SERINC1: variants seen among roughly 807,000 people sequenced by gnomAD.
SERINC1 encodes the protein serine incorporator 1.
Under a neutral mutation model 52.9 loss-of-function variants are expected in SERINC1, and 38 were observed. That is an observed-to-expected ratio of 0.72 (90% confidence interval 0.55 to 0.94). SERINC1 has a LOEUF of 0.94. Among genes scored for constraint, SERINC1 ranks in the 40% least tolerant of loss-of-function variants. The pLI is 0.00. For synonymous variants in SERINC1, 198 were observed against 183.1 expected, an observed-to-expected ratio of 1.08 and a Z score of -0.66; for missense variants, 471 against 533.9, an observed-to-expected ratio of 0.88 and a Z score of 1.16.
At chr6:122,456,787 A>G in intron 2 of SERINC1, 137 bp from the exon 3 acceptor site, 2 of 606,098 alleles carry the variant, frequency 3.3e-6, no homozygotes, top group Non-Finnish European at 5.5e-6. Flanking sequence ...TATGTACTCA[A>G]GATGAGTCTG....
chr6:122,464,173 G>A (rs886140367), intron 1 of SERINC1, among the ~76,000 whole-genome samples: 1 of 152,086 alleles, frequency 6.6e-6, no homozygotes, highest in African/African-American at 2.4e-5. Context: ...GATGATCGAT[G>A]TTCCAAAACG....
At chr6:122,467,777 A>G (rs1225492228) in intron 1 of SERINC1, among the ~76,000 whole-genome samples, 1 of 152,222 alleles carries the variant, frequency 6.6e-6, no homozygotes, top group Non-Finnish European at 1.5e-5. Flanking sequence ...AGTCACAATA[A>G]TGTTCATTTA....
At chr6:122,453,535 A>G (rs900613355) in intron 5 of SERINC1, among the ~76,000 whole-genome samples, 6 of 152,158 alleles carry the variant, frequency 3.9e-5, no homozygotes, top group Non-Finnish European at 8.8e-5. Flanking sequence ...TTAGCTATTC[A>G]GGTTCTTTTG....
chr6:122,457,804 C>CATATATATAT (rs60098882), intron 2 of SERINC1, among the ~76,000 whole-genome samples: 41 of 147,798 alleles, frequency 2.8e-4, no homozygotes, highest in Admixed American at 6.1e-4. Context: ...GTAAGACATA[C>CATATATATAT]ATATATATAT....
At chr6:122,458,804 T>A in intron 1 of SERINC1, 123 bp from the exon 2 acceptor site, 1 of 664,110 alleles carries the variant, frequency 1.5e-6, no homozygotes, top group Admixed American at 3.1e-5. Context: ...AGTAATTACA[T>A]CAAGGGACAT....
At chr6:122,465,046 A>C (rs1193018233) in intron 1 of SERINC1, among the ~76,000 whole-genome samples, 1 of 152,174 alleles carries the variant, frequency 6.6e-6, no homozygotes, top group Admixed American at 6.5e-5. Flanking sequence ...TCTTTAAAAA[A>C]GAAAGAATAA....
chr6:122,445,389 A>G (rs1774772437), intron 9 of SERINC1, among the ~76,000 whole-genome samples: 1 of 152,220 alleles, frequency 6.6e-6, no homozygotes, highest in Admixed American at 6.5e-5. Flanking sequence ...TAAAGTATAC[A>G]GGCCTCTGAA....
chr6:122,456,904 A>G (rs1379803807), intron 2 of SERINC1, among the ~76,000 whole-genome samples: 32 of 152,178 alleles, frequency 2.1e-4, no homozygotes, highest in Admixed American at 2.0e-3. Flanking sequence ...TGAGTTATAG[A>G]TTTATCCTAC....
intron 1 of SERINC1, among the ~76,000 whole-genome samples, chr6:122,470,556 C>T (rs1175958609): frequency 6.6e-6 from 1 of 152,148 alleles, no homozygotes; most frequent in Non-Finnish European, 1.5e-5. Context: ...AATAATTAAA[C>T]TCTCTAATAT....
chr6:122,451,776 A>ATATATATATAT (rs1554211250), intron 6 of SERINC1, 22 bp from the exon 7 acceptor site: 43 of 113,024 alleles, frequency 3.8e-4, no homozygotes, highest in South Asian at 1.9e-3. Context: ...AAAAAAAAAA[A>ATATATATATAT]ATATATATAT....
chr6:122,463,614 A>G (rs893331471), intron 1 of SERINC1, among the ~76,000 whole-genome samples: 1 of 152,184 alleles, frequency 6.6e-6, no homozygotes, highest in Non-Finnish European at 1.5e-5. Flanking sequence ...CAATATCATT[A>G]TTAGGGAAAT....
At chr6:122,466,809 A>G (rs2114491403) in intron 1 of SERINC1, among the ~76,000 whole-genome samples, 1 of 152,352 alleles carries the variant, frequency 6.6e-6, no homozygotes, top group East Asian at 1.9e-4. Context: ...GAAGCATAAT[A>G]TGTGAATAAC....
At chr6:122,445,304 G>T in intron 9 of SERINC1, 125 bp from the exon 10 acceptor site, 1 of 884,596 alleles carries the variant, frequency 1.1e-6, no homozygotes, top group Non-Finnish European at 1.7e-6. Flanking sequence ...ATATATCATT[G>T]CTGCATCTAA....
At chr6:122,457,058 C>T (rs184266743) in intron 2 of SERINC1, among the ~76,000 whole-genome samples, 7 of 152,200 alleles carry the variant, frequency 4.6e-5, no homozygotes, top group Admixed American at 4.6e-4. Context: ...CCACTCTTTC[C>T]AGTCCCAGCA....
At chr6:122,470,153 T>C (rs973027589) in intron 1 of SERINC1, among the ~76,000 whole-genome samples, 9 of 152,246 alleles carry the variant, frequency 5.9e-5, no homozygotes, top group African/African-American at 2.2e-4. Context: ...CAGGCTGCAG[T>C]TCACTACGAC....
intron 7 of SERINC1, among the ~76,000 whole-genome samples, chr6:122,447,881 C>T (rs992700553): frequency 2.0e-5 from 3 of 151,930 alleles, no homozygotes; most frequent in Non-Finnish European, 4.4e-5. Flanking sequence ...TTTGGGAGGC[C>T]GAGGCGGGCG....
intron 1 of SERINC1, among the ~76,000 whole-genome samples, chr6:122,466,247 A>G (rs1775189589): frequency 6.6e-6 from 1 of 152,172 alleles, no homozygotes; most frequent in Admixed American, 6.5e-5. Context: ...GACTAGGTGA[A>G]ACAGAGAACA....
chr6:122,451,776 A>AAAAAATATAT, intron 6 of SERINC1, 22 bp from the exon 7 acceptor site: 107 of 112,778 alleles, frequency 9.5e-4, no homozygotes, highest in African/African-American at 1.8e-3. Context: ...AAAAAAAAAA[A>AAAAAATATAT]ATATATATAT....
chr6:122,465,574 C>A (rs1775174879), intron 1 of SERINC1, among the ~76,000 whole-genome samples: 1 of 152,154 alleles, frequency 6.6e-6, no homozygotes, highest in Non-Finnish European at 1.5e-5. Flanking sequence ...CTATCAATAG[C>A]CCTAGATAAA....
Sources: gnomAD v4.1 joint callset for allele counts (sites outside exome capture counted in the v4.1 genomes callset) on GRCh38, gnomAD v4.1.1 for gene constraint, MANE v1.5 for transcripts, NCBI Gene and HGNC (gene_info 2026-07-23, HGNC 2026-07-21) for gene names.